Variants in DHX15 observed in about 807,000 individuals in gnomAD.
DHX15 encodes the protein ATP-dependent RNA helicase DHX15.
In DHX15, 11 loss-of-function variants were observed where a neutral mutation model predicts 94.4. The ratio of observed to expected loss-of-function variants is 0.12; its 90% confidence interval spans 0.07 to 0.19. The LOEUF (loss-of-function observed/expected upper bound fraction) is 0.19. DHX15 is among the 10% of genes least tolerant of loss of function. The probability of loss-of-function intolerance (pLI) is 1.00; values close to 1 mark genes in which losing one functional copy is unlikely to be tolerated. For synonymous variants in DHX15, 338 were observed against 329.9 expected (o/e 1.02, Z -0.27); for missense variants, 304 against 988.5 (o/e 0.31, Z 9.29).
In DHX15 at chr4:24,584,377, C is replaced by A. The variant is rs1327912926; in HGVS notation, c.17G>T (p.Arg6Leu). ...GGGGTAATCCTCCCCTAGGTCCAAC[C>A]GGTGCCGCTTGGACATCCTCGCACT... MSKRH[R>L]LDLGEDYPSG... Residue 6 changes from arginine (R) to leucine (L), a missense_variant, in exon 1 of 14, where the codon CGG (arginine) becomes CTG (leucine). By Grantham distance (102) the Arg-to-Leu change is moderately radical. Transcript: ENST00000336812. The A allele has an allele frequency of 1.9e-6, 3 of 1,612,832 alleles. No individual in the cohort carries two copies. The highest frequency in any genetic ancestry group is 1.3e-5 in the African/African-American group (1 of 74,816).
In DHX15 at chr4:24,557,387, CATTTATGA is replaced by C. The variant is rs1178583238; in HGVS notation, c.702-985_702-978del. On this transcript the variant is annotated intron_variant, in intron 3 of 13. Coordinates refer to ENST00000336812, the MANE Select transcript of DHX15 (RefSeq NM_001358.3). ...GTGGTATTAAAAAATCTGAAGCCAT[CATTTATGA>C]ATTCACCATTTTGGCTCTTTTTATG... Among the ~76,000 whole-genome samples, 6 of 152,282 alleles carry C rather than the reference CATTTATGA, an allele frequency of 3.9e-5. No homozygotes were observed. The East Asian group carries it at 1.2e-3, about 29-fold the overall frequency.
At chr4:24,577,695 T>C (rs1452635796) in intron 1 of DHX15, among the ~76,000 whole-genome samples, 1 of 152,150 alleles carries the variant, frequency 6.6e-6, no homozygotes, top group Non-Finnish European at 1.5e-5. Context: ...ATTTTAAAAG[T>C]ATCTATGCTA....
chr4:24,536,119 G>C (rs1424204931), intron 11 of DHX15, among the ~76,000 whole-genome samples: 1 of 152,116 alleles, frequency 6.6e-6, no homozygotes, highest in Non-Finnish European at 1.5e-5. Flanking sequence ...GCAGCAGCTA[G>C]CAATAACTTC....
At chr4:24,558,047 T>C (rs762239146) in intron 3 of DHX15, among the ~76,000 whole-genome samples, 5 of 152,084 alleles carry the variant, frequency 3.3e-5, no homozygotes, top group South Asian at 2.1e-4. Flanking sequence ...TTACACCCTA[T>C]TGCTCCATTT....
chr4:24,566,042 ATT>A (rs68141816), intron 3 of DHX15, among the ~76,000 whole-genome samples: 23 of 138,848 alleles, frequency 1.7e-4, no homozygotes, highest in African/African-American at 4.2e-4. Flanking sequence ...ACAAACCACC[ATT>A]TTTTTTTTTT....
At position 24,576,632 on chromosome 4, in the gene DHX15, G is replaced by C. The variant is rs868164768; in HGVS notation, c.118C>G (p.Arg40Gly). The C allele has an allele frequency of 6.2e-7, 1 of 1,612,928 alleles. No homozygotes were observed. ...TCTCCTCTATCACGTTCTCGGTCTC[G>C]ATCTTTAGACCGATCTTCACGATCC... ...DRDREDRSKD[R>G]DRERDRGDRE... Residue 40 changes from arginine (R) to glycine (G), a missense_variant, in exon 2 of 14, where the codon CGA becomes GGA. Transcript: ENST00000336812.
chr4:24,559,946 T>C (rs897190754), intron 3 of DHX15, among the ~76,000 whole-genome samples: 5 of 152,186 alleles, frequency 3.3e-5, no homozygotes, highest in Admixed American at 2.0e-4. Context: ...ATGTCTAAAG[T>C]AGCAAAAACA....
chr4:24,547,950 T>TACATACAC (rs1560766061), intron 6 of DHX15, among the ~76,000 whole-genome samples: 1 of 12,204 alleles, frequency 8.2e-5, no homozygotes, highest in African/African-American at 4.6e-4. Context: ...TATCTATATC[T>TACATACAC]ATATCTATAT....
At chr4:24,548,810 A>T in intron 6 of DHX15, 45 bp downstream of exon 6, 1 of 1,556,652 alleles carries the variant, frequency 6.4e-7, no homozygotes, top group Non-Finnish European at 8.7e-7. Context: ...ATATCTCATA[A>T]ATCATTATTA....
intron 11 of DHX15, among the ~76,000 whole-genome samples, chr4:24,535,750 T>G (rs533516389): frequency 6.6e-6 from 1 of 152,304 alleles, no homozygotes; most frequent in East Asian, 1.9e-4. Context: ...ACTGGCCCTC[T>G]AGCACTTCTG....
chr4:24,582,168 T>A (rs567187432), intron 1 of DHX15, among the ~76,000 whole-genome samples: 2 of 152,224 alleles, frequency 1.3e-5, no homozygotes, highest in Non-Finnish European at 2.9e-5. Flanking sequence ...TTAAGTCCAC[T>A]GTTAAATAAA....
chr4:24,581,477 A>G (rs1194752771), intron 1 of DHX15, among the ~76,000 whole-genome samples: 1 of 152,266 alleles, frequency 6.6e-6, no homozygotes, highest in Non-Finnish European at 1.5e-5. Flanking sequence ...CAGAGATCTT[A>G]GAAAATGTTC....
Position 24,540,980 on chromosome 4 carries a change from G to A in DHX15, c.1486-32C>T, listed in dbSNP as rs758586129. 8 of 1,375,240 alleles carry A rather than the reference G, an allele frequency of 5.8e-6. No homozygotes were observed. In the East Asian group the frequency reaches 1.9e-4, roughly 32 times the overall value. 85.2% of individuals were successfully genotyped at this position (1,375,240 alleles called of 1,614,324 possible). On this transcript the variant is annotated intron_variant, in intron 8 of 13. Coordinates refer to ENST00000336812, the MANE Select transcript of DHX15 (RefSeq NM_001358.3). ...AAGAACAAAAACATTTATTGGTTAT[G>A]TTAAAAATGCCTCAGTCTCCTCGTT...
intron 12 of DHX15, among the ~76,000 whole-genome samples, chr4:24,532,568 G>A (rs551226423): frequency 5.3e-5 from 8 of 152,332 alleles, no homozygotes; most frequent in Admixed American, 4.6e-4. Flanking sequence ...ACATCTGAAA[G>A]TAGCCAAAGT....
At chr4:24,564,574 TC>T (rs1047677384) in intron 3 of DHX15, among the ~76,000 whole-genome samples, 3 of 152,320 alleles carry the variant, frequency 2.0e-5, no homozygotes, top group Admixed American at 2.0e-4. Flanking sequence ...TTGACAGTTT[TC>T]CCCTCCCCAA....
intron 8 of DHX15, among the ~76,000 whole-genome samples, chr4:24,541,469 G>C (rs1377940338): frequency 6.6e-6 from 1 of 152,070 alleles, no homozygotes; most frequent in Admixed American, 6.6e-5. Flanking sequence ...ATGCCAATGA[G>C]AGGCCCTGAA....
chr4:24,528,333 T>C (rs1721002962), intron 13 of DHX15, among the ~76,000 whole-genome samples: 1 of 152,204 alleles, frequency 6.6e-6, no homozygotes, highest in Non-Finnish European at 1.5e-5. Context: ...CTGATTTCTT[T>C]ACTCTGGCAC....
intron 1 of DHX15, among the ~76,000 whole-genome samples, chr4:24,582,383 G>C (rs1024687831): frequency 6.6e-6 from 1 of 152,158 alleles, no homozygotes; most frequent in South Asian, 2.1e-4. Flanking sequence ...GTTTTTGCAA[G>C]AGAAAGTAAA....
At chr4:24,549,886 G>C (rs1311017258) in intron 5 of DHX15, among the ~76,000 whole-genome samples, 1 of 151,928 alleles carries the variant, frequency 6.6e-6, no homozygotes, top group African/African-American at 2.4e-5. Context: ...CTGAGGTTGG[G>C]AGTTCGAGAC....
Sources: gnomAD v4.1 joint callset for allele counts (sites outside exome capture counted in the v4.1 genomes callset) on GRCh38, gnomAD v4.1.1 for gene constraint, MANE v1.5 for transcripts, NCBI Gene and HGNC (gene_info 2026-07-23, HGNC 2026-07-21) for gene names.